COL18A1: variants seen among roughly 807,000 people sequenced by gnomAD.
COL18A1 encodes the protein collagen alpha-1(XVIII) chain.
COL18A1 carries 133 observed loss-of-function variants against 168.0 expected under a neutral mutation model. The ratio of observed to expected loss-of-function variants is 0.79; its 90% CI spans 0.69 to 0.91. COL18A1 has a LOEUF of 0.91. Ranked by LOEUF, COL18A1 falls within the 40% of genes least tolerant of loss-of-function variation. The pLI is 0.00. For missense variants in COL18A1, 2,126 were observed against 1,925.4 expected (o/e 1.10, Z -1.95); for synonymous variants, 949 against 809.0 (o/e 1.17, Z -2.94).
chr21:45,405,334 G>C lies in COL18A1; in HGVS notation c.12-45G>C, dbSNP rs1202187547. ...CGGGGCTCGGCCGGGTCCTGCGGGG[G>C]TCGCGGGGGTCCTGCGGGGTCTGAC... On this transcript the variant is annotated intron_variant, in intron 1 of 41. Coordinates refer to ENST00000651438, the MANE Select transcript of COL18A1 (RefSeq NM_001379500.1). 2.6e-4 allele frequency: 293 copies of C among 1,125,086 alleles called. 2 individuals are homozygous for C. The highest frequency in any genetic ancestry group is 2.8e-4 in the Non-Finnish European group (251 of 908,044). 69.7% of individuals were successfully genotyped at this position (1,125,086 alleles called of 1,614,324 possible).
chr21:45,408,333 GCACA>G (rs915448313), intron 2 of COL18A1: 5 of 152,386 alleles, frequency 3.3e-5, no homozygotes, highest in Non-Finnish European at 7.3e-5. Context: ...CTGTGTACAT[GCACA>G]CACACACAAA....
intron 13 of COL18A1, among the ~76,000 whole-genome samples, chr21:45,481,713 C>G (rs1363659509): frequency 6.6e-6 from 1 of 152,354 alleles, no homozygotes; most frequent in African/African-American, 2.4e-5. Context: ...TACCCCAGCC[C>G]TGGTGTGCAA....
chr21:45,467,274 T>C lies in COL18A1; in HGVS notation c.107-968T>C. On this transcript the variant is annotated intron_variant, in intron 2 of 41. Transcript: ENST00000651438. ...TGGCTTGGGCTCCCTGGGCGAGGGATGGACAGGGCTCCTTCTGACCCTGGG... is the reference window on the plus strand; with the variant it reads ...TGGCTTGGGCTCCCTGGGCGAGGGACGGACAGGGCTCCTTCTGACCCTGGG... 3.0e-6 allele frequency: 3 copies of C among 985,376 alleles called. No individual in the cohort carries two copies. In the South Asian group the frequency reaches 1.4e-4, roughly 46 times the overall value. The allele number at this position is 985,376 out of a possible 1,614,324, so 61.0% of individuals were successfully genotyped here. A position where few individuals can be genotyped will look rare whatever the true frequency, so the allele number is the denominator to read the frequency against.
chr21:45,437,572 ACT>A (rs567089644), intron 2 of COL18A1, among the ~76,000 whole-genome samples: 6 of 80,020 alleles, frequency 7.5e-5, no homozygotes, highest in Non-Finnish European at 1.1e-4. Flanking sequence ...AGACACAGGC[ACT>A]CTCCTGTACA....
chr21:45,499,431 TCCCGCGGGAA>T (rs1158907309), intron 32 of COL18A1, among the ~76,000 whole-genome samples: 27 of 151,038 alleles, frequency 1.8e-4, no homozygotes, highest in African/African-American at 2.7e-4. Context: ...GGTCAGAGGC[TCCCGCGGGAA>T]CCCGTGTGGG....
At chr21:45,442,168 G>C (rs1415334845) in intron 2 of COL18A1, among the ~76,000 whole-genome samples, 1 of 152,012 alleles carries the variant, frequency 6.6e-6, no homozygotes, top group Non-Finnish European at 1.5e-5. Context: ...CTGCTGTGGG[G>C]CCACAGCCTT....
At position 45,492,650 on chromosome 21, in the gene COL18A1, G is replaced by A. The variant is rs201219366; in HGVS notation, c.2188-37G>A. On this transcript the variant is annotated intron_variant, in intron 23 of 41. Coordinates refer to ENST00000651438, the MANE Select transcript of COL18A1 (RefSeq NM_001379500.1). ...GGGGTCCGGGCAGGCGCGAGGGTGC[G>A]TGATGACCCCAGCTGACGCCGTCCC... is the stretch of plus-strand genomic sequence containing the variant. 1,176 of 1,611,012 alleles carry A rather than the reference G, an allele frequency of 7.3e-4. 1 individual carries two copies. Among genetic ancestry groups the A allele is most frequent in the Non-Finnish European group, 9.6e-4 (1,130 of 1,178,678 alleles).
At chr21:45,461,932 C>A (rs1204389549) in intron 2 of COL18A1, among the ~76,000 whole-genome samples, 1 of 152,218 alleles carries the variant, frequency 6.6e-6, no homozygotes, top group East Asian at 1.9e-4. Context: ...ACTCCCTGGA[C>A]CATTTTCTGC....
At chr21:45,454,020 T>C (rs889879562) in intron 2 of COL18A1, among the ~76,000 whole-genome samples, 1 of 152,194 alleles carries the variant, frequency 6.6e-6, no homozygotes, top group Admixed American at 6.5e-5. Context: ...GTTTGGAGAC[T>C]TTCCGGAGGC....
chr21:45,487,357 C>A, intron 16 of COL18A1, 90 bp from the exon 17 acceptor site: 1 of 1,471,578 alleles, frequency 6.8e-7, no homozygotes, highest in Non-Finnish European at 9.4e-7. Flanking sequence ...AAAGCATGTC[C>A]CACCCTCCTC....
intron 2 of COL18A1, among the ~76,000 whole-genome samples, chr21:45,429,053 AC>A (rs1057168223): frequency 6.6e-6 from 1 of 151,120 alleles, no homozygotes; most frequent in African/African-American, 2.4e-5. Context: ...TAGGCGCGCC[AC>A]CCCACCCGGC....
intron 2 of COL18A1, among the ~76,000 whole-genome samples, chr21:45,445,999 T>C (rs2034496313): frequency 1.3e-5 from 2 of 152,242 alleles, no homozygotes; most frequent in South Asian, 4.1e-4. Context: ...TGCTGTCATA[T>C]GTAAGAATCT....
At chr21:45,470,120 G>T (rs2035358061) in intron 3 of COL18A1, among the ~76,000 whole-genome samples, 2 of 152,260 alleles carry the variant, frequency 1.3e-5, no homozygotes, top group Non-Finnish European at 1.5e-5. Flanking sequence ...TGGTGCTAGG[G>T]AGAGCCGGGC....
rs375981940 is a variant in COL18A1 at position 45,422,490 on chromosome 21, C to A, written c.106+17017C>A. The A allele has an allele frequency of 2.7e-5, 14 of 527,980 alleles. No homozygotes were observed. The Admixed American group carries it at 2.8e-4, about 10-fold the overall frequency. 32.7% of individuals were successfully genotyped at this position (527,980 alleles called of 1,614,324 possible). A position where few individuals can be genotyped will look rare whatever the true frequency, so the allele number is the denominator to read the frequency against. On this transcript the variant is annotated intron_variant, in intron 2 of 41. Coordinates refer to ENST00000651438, the MANE Select transcript of COL18A1 (RefSeq NM_001379500.1). ...AGAATAGATGGCAGAAGCCAGGAGC[C>A]GGGGCCTTTGCGTGGCTGCCTGGCC... is the stretch of plus-strand genomic sequence containing the variant.
chr21:45,436,298 AGT>A (rs888873305), intron 2 of COL18A1, among the ~76,000 whole-genome samples: 1 of 152,152 alleles, frequency 6.6e-6, no homozygotes, highest in East Asian at 1.9e-4. Flanking sequence ...GCTGTACAGC[AGT>A]GTCACAGCAA....
intron 2 of COL18A1, among the ~76,000 whole-genome samples, chr21:45,410,544 AC>A (rs1333391880): frequency 6.6e-6 from 1 of 151,414 alleles, no homozygotes; most frequent in African/African-American, 2.4e-5. Context: ...ACTCGCACCC[AC>A]CCCCGCAGCC....
At chr21:45,469,122 T>C (rs1450526362) in intron 3 of COL18A1, among the ~76,000 whole-genome samples, 1 of 152,124 alleles carries the variant, frequency 6.6e-6, no homozygotes, top group Non-Finnish European at 1.5e-5. Flanking sequence ...TGAACGACTT[T>C]GTAACTAGAC....
Position 45,507,590 on chromosome 21 carries a change from G to T in COL18A1, c.3246G>T (p.Gly1082=). The T allele has an allele frequency of 6.2e-7, 1 of 1,613,088 alleles. No individual in the cohort carries two copies. The highest frequency in any genetic ancestry group is 8.5e-7 in the Non-Finnish European group (1 of 1,179,860). Residue 1082 remains glycine (G), a synonymous_variant, in exon 38 of 42, where the codon GGG becomes GGT. Coordinates refer to ENST00000651438, the MANE Select transcript of COL18A1 (RefSeq NM_001379500.1). ...AGGCCCGGACACCACTCCCACGAGGGACGGTAAGGAGCCTTTTTTCTGTTG... is the reference window on the plus strand; with the variant it reads ...AGGCCCGGACACCACTCCCACGAGGTACGGTAAGGAGCCTTTTTTCTGTTG... ...QLEARTPLPR[G]TDNEVAALQP... is the part of the protein sequence containing the mutation.
intron 2 of COL18A1, among the ~76,000 whole-genome samples, chr21:45,448,496 CATGT>C (rs2034551067): frequency 6.6e-6 from 1 of 152,238 alleles, no homozygotes; most frequent in Non-Finnish European, 1.5e-5. Context: ...TCCATGCATG[CATGT>C]ATCCATATCC....
Sources: allele counts gnomAD v4.1 joint callset (sites outside exome capture counted in the v4.1 genomes callset), GRCh38; gene constraint gnomAD v4.1.1; transcripts MANE v1.5; gene names NCBI Gene and HGNC (gene_info 2026-07-23, HGNC 2026-07-21).